Variants in ANXA8 observed in about 807,000 individuals in gnomAD.
ANXA8 encodes the protein annexin A8.
In ANXA8, 9 loss-of-function variants were observed where a neutral mutation model predicts 26.8. The observed-to-expected ratio is 0.34, with a 90% confidence interval of 0.20 to 0.59. The LOEUF (loss-of-function observed/expected upper bound fraction) is 0.59. Among genes scored for constraint, ANXA8 ranks in the 20% least tolerant of loss-of-function variants. The probability of loss-of-function intolerance (pLI) is 0.84; values close to 1 mark genes in which losing one functional copy is unlikely to be tolerated. For missense variants in ANXA8, 83 were observed against 238.5 expected (o/e 0.35, Z 4.29); for synonymous variants, 39 against 94.8 (o/e 0.41, Z 3.42).
At chr10:47,771,602 A>G in the ANXA8 span, among the ~76,000 whole-genome samples, 1 of 151,300 alleles carries the variant, frequency 6.6e-6, no homozygotes, top group Non-Finnish European at 1.5e-5. Context: ...TGTTAGATGG[A>G]GTTTCGCTCT....
chr10:47,630,994 C>T, the ANXA8 span, among the ~76,000 whole-genome samples: 2 of 149,744 alleles, frequency 1.3e-5, no homozygotes, highest in East Asian at 1.9e-4. Flanking sequence ...CTTTAAAAGC[C>T]TTCTTCAGAT....
chr10:47,706,012 A>G, the ANXA8 span, among the ~76,000 whole-genome samples: 6 of 149,762 alleles, frequency 4.0e-5, no homozygotes, highest in South Asian at 2.1e-4. Flanking sequence ...GTGGGGGGGG[A>G]GGGGCGCCGC....
chr10:47,468,948 G>T, intron 11 of ANXA8, 42 bp from the exon 12 acceptor site: 2 of 1,605,780 alleles, frequency 1.2e-6, no homozygotes, highest in South Asian at 1.1e-5. Context: ...GGGTTTGCTT[G>T]TGCCTGGCTC....
At chr10:47,473,866 C>A (rs1215267394) in intron 9 of ANXA8, 104 bp downstream of exon 9, 89,125 of 257,834 alleles carry the variant, frequency 0.35, 2,372 homozygotes, top group Admixed American at 0.41. Context: ...GAAGGTGACA[C>A]AGGGATTCTT....
At chr10:47,580,620 G>A in the ANXA8 span, among the ~76,000 whole-genome samples, 1 of 150,596 alleles carries the variant, frequency 6.6e-6, no homozygotes, top group East Asian at 1.9e-4. Flanking sequence ...GTGAATACCT[G>A]TAGCCCCAGC....
the ANXA8 span, among the ~76,000 whole-genome samples, chr10:47,610,941 AC>A: frequency 7.6e-4 from 53 of 69,732 alleles, no homozygotes; most frequent in Middle Eastern, 5.2e-3. Flanking sequence ...TGTGGATGTT[AC>A]CTCTTCTGTG....
the ANXA8 span, among the ~76,000 whole-genome samples, chr10:47,529,344 T>G: frequency 6.7e-6 from 1 of 150,208 alleles, no homozygotes; most frequent in Non-Finnish European, 1.5e-5. Context: ...TACAGTGTAT[T>G]ATGTGAATGT....
chr10:47,485,754 G>A (rs1840028500), upstream of ANXA8, among the ~76,000 whole-genome samples: 1 of 151,790 alleles, frequency 6.6e-6, no homozygotes, highest in African/African-American at 2.4e-5. Flanking sequence ...AAGGAGAGAG[G>A]GCCAGGCATC....
chr10:47,944,353 C>A, the ANXA8 span, among the ~76,000 whole-genome samples: 1 of 149,098 alleles, frequency 6.7e-6, no homozygotes, highest in African/African-American at 2.5e-5. Context: ...AGAGCATCCT[C>A]CCCCCGCATC....
chr10:47,694,783 G>C, the ANXA8 span, among the ~76,000 whole-genome samples: 1 of 151,658 alleles, frequency 6.6e-6, no homozygotes. Context: ...ACAGTAGACA[G>C]TTTGCTATTA....
the ANXA8 span, among the ~76,000 whole-genome samples, chr10:47,937,260 T>G: frequency 6.7e-6 from 1 of 149,476 alleles, no homozygotes; most frequent in Non-Finnish European, 1.5e-5. Context: ...TGTCTTCTGA[T>G]AGTTCAATGG....
the ANXA8 span, among the ~76,000 whole-genome samples, chr10:47,667,517 AATTTTTAAATTTATTTATAT>A: frequency 3.0e-4 from 45 of 151,746 alleles, no homozygotes; most frequent in African/African-American, 1.0e-3. Flanking sequence ...TTTGTTTTTT[AATTTTTAAATTTATTTATAT>A]ATTTTTAAAT....
At chr10:47,948,857 C>T in the ANXA8 span, among the ~76,000 whole-genome samples, 4 of 151,664 alleles carry the variant, frequency 2.6e-5, no homozygotes, top group Non-Finnish European at 4.4e-5. Context: ...TGTGGGTGGG[C>T]TTCATCAAAT....
the ANXA8 span, among the ~76,000 whole-genome samples, chr10:47,941,655 A>C: frequency 1.2e-4 from 18 of 147,158 alleles, 2 homozygotes; most frequent in Middle Eastern, 3.5e-3. Flanking sequence ...AGAAAAAAAA[A>C]ACAGCTGGCA....
chr10:47,657,411 G>GA, the ANXA8 span, among the ~76,000 whole-genome samples: 206 of 151,920 alleles, frequency 1.4e-3, 2 homozygotes, highest in East Asian at 0.037. Context: ...TGCAGGTAGA[G>GA]AAAATGACAG....
chr10:47,980,591 T>C, the ANXA8 span, among the ~76,000 whole-genome samples: 1 of 151,042 alleles, frequency 6.6e-6, no homozygotes, highest in African/African-American at 2.4e-5. Flanking sequence ...TATTAATGTA[T>C]AGGGAATTAA....
the ANXA8 span, among the ~76,000 whole-genome samples, chr10:47,682,508 C>T: frequency 7.2e-5 from 10 of 138,816 alleles, no homozygotes; most frequent in African/African-American, 2.2e-4. Flanking sequence ...CTCGCTCTGT[C>T]GCCCAGGCTG....
intron 4 of ANXA8, among the ~76,000 whole-genome samples, chr10:47,476,748 G>GT (rs1839556817): frequency 1.1e-5 from 1 of 93,220 alleles, no homozygotes; most frequent in Non-Finnish European, 2.2e-5. Flanking sequence ...GCAAAGAGTA[G>GT]TGAGAGGTAA....
At chr10:47,707,792 G>A in the ANXA8 span, among the ~76,000 whole-genome samples, 1 of 122,550 alleles carries the variant, frequency 8.2e-6, no homozygotes, top group Non-Finnish European at 1.8e-5. Flanking sequence ...TAGTTCAGCC[G>A]CTGTTGAAAA....
Sources: allele counts gnomAD v4.1 joint callset (sites outside exome capture counted in the v4.1 genomes callset), GRCh38; gene constraint gnomAD v4.1.1; transcripts MANE v1.5; gene names NCBI Gene and HGNC (gene_info 2026-07-23, HGNC 2026-07-21).